EPDR1: variants seen among roughly 807,000 people sequenced by gnomAD.
EPDR1 encodes ependymin related 1, also known as mammalian ependymin-related protein 1.
In EPDR1, 27 loss-of-function variants were observed where a neutral mutation model predicts 23.7. The ratio of observed to expected loss-of-function variants is 1.14; its 90% CI spans 0.84 to 1.57. The LOEUF (loss-of-function observed/expected upper bound fraction) is 1.57. Among genes scored for constraint, EPDR1 ranks in the 40% most tolerant of loss-of-function variants. The pLI is 0.00. For missense variants in EPDR1, 349 were observed against 290.4 expected (o/e 1.20, Z -1.47); for synonymous variants, 137 against 118.2 (o/e 1.16, Z -1.03).
intron 1 of EPDR1, among the ~76,000 whole-genome samples, chr7:37,932,659 T>A (rs1283589482): frequency 1.3e-5 from 2 of 152,200 alleles, no homozygotes; most frequent in African/African-American, 2.4e-5. Flanking sequence ...CCCTGCACTG[T>A]CCTTCCCATC....
chr7:37,937,753 T>C (rs1186535319), intron 1 of EPDR1, among the ~76,000 whole-genome samples: 1 of 152,136 alleles, frequency 6.6e-6, no homozygotes, highest in Non-Finnish European at 1.5e-5. Flanking sequence ...CTTAAATCTA[T>C]GCAATCTATT....
intron 1 of EPDR1, among the ~76,000 whole-genome samples, chr7:37,928,071 A>C (rs982826521): frequency 6.6e-6 from 1 of 152,224 alleles, no homozygotes; most frequent in African/African-American, 2.4e-5. Flanking sequence ...AGAAGCAGGC[A>C]CTGGGGAAAA....
intron 1 of EPDR1, among the ~76,000 whole-genome samples, chr7:37,922,083 C>G (rs956416814): frequency 6.6e-6 from 1 of 152,142 alleles, no homozygotes; most frequent in Admixed American, 6.5e-5. Context: ...TGTCTCCCTT[C>G]CAGAGCCCTG....
chr7:37,935,260 T>TA (rs1029518436), intron 1 of EPDR1, among the ~76,000 whole-genome samples: 1 of 152,186 alleles, frequency 6.6e-6, no homozygotes, highest in African/African-American at 2.4e-5. Context: ...CTGGGTCTTT[T>TA]AGTAAGGGAT....
Position 37,945,507 on chromosome 7 carries a change from C to T in EPDR1, c.270-3333C>T, listed in dbSNP as rs186825038. ...CGGCTACTAATAATACAATGATGTG[C>T]TTCATAATGACGTTTCAGTCAATGA... On this transcript the variant is annotated intron_variant, in intron 1 of 2. Transcript: ENST00000199448. 1.6e-3 allele frequency among the ~76,000 whole-genome samples: 241 copies of T among 152,246 alleles called. 2 individuals are homozygous for T. The highest frequency in any genetic ancestry group is 5.7e-3 in the African/African-American group (237 of 41,530).
chr7:37,939,889 TA>T (rs1322388775), intron 1 of EPDR1, among the ~76,000 whole-genome samples: 1 of 152,220 alleles, frequency 6.6e-6, no homozygotes, highest in African/African-American at 2.4e-5. Context: ...AGAAATCTGG[TA>T]ATATTTAACA....
chr7:37,938,982 A>ATTT (rs35030069), intron 1 of EPDR1, among the ~76,000 whole-genome samples: 183 of 144,516 alleles, frequency 1.3e-3, no homozygotes, highest in Non-Finnish European at 2.0e-3. Flanking sequence ...GGCATGACCA[A>ATTT]TTTTTTTTTT....
intron 1 of EPDR1, among the ~76,000 whole-genome samples, chr7:37,937,310 T>A (rs1786074927): frequency 6.6e-6 from 1 of 152,188 alleles, no homozygotes; most frequent in South Asian, 2.1e-4. Context: ...ACATGATGCA[T>A]TCCTTTATAA....
In EPDR1 at chr7:37,920,969, C is replaced by G. The variant is rs757322110; in HGVS notation, c.30C>G (p.Val10=). Residue 10 remains valine, a synonymous_variant, in exon 1 of 3, where the codon GTC becomes GTG. Coordinates refer to ENST00000199448, the MANE Select transcript of EPDR1 (RefSeq NM_017549.5). The part of the protein sequence containing the change: MPGRAPLRT[V]PGALGAWLLG... ...CAGGACGCGCTCCCCTCCGCACCGTCCCGGGCGCCCTGGGTGCCTGGCTGC... is the reference window on the plus strand; with the variant it reads ...CAGGACGCGCTCCCCTCCGCACCGTGCCGGGCGCCCTGGGTGCCTGGCTGC... 3.8e-6 allele frequency: 6 copies of G among 1,568,994 alleles called. No homozygotes were observed. Among genetic ancestry groups the G allele is most frequent in the Non-Finnish European group, 4.3e-6 (5 of 1,160,252 alleles).
chr7:37,944,860 C>T (rs1486122622), intron 1 of EPDR1, among the ~76,000 whole-genome samples: 1 of 152,196 alleles, frequency 6.6e-6, no homozygotes, highest in Non-Finnish European at 1.5e-5. Flanking sequence ...AGGAAACCCC[C>T]TCTCCTGCAC....
intron 1 of EPDR1, among the ~76,000 whole-genome samples, chr7:37,933,742 G>T (rs1486328536): frequency 6.6e-6 from 1 of 152,152 alleles, no homozygotes; most frequent in African/African-American, 2.4e-5. Flanking sequence ...GAGAGGGAAG[G>T]CTCTCATAGA....
chr7:37,948,451 C>T (rs971195557), intron 1 of EPDR1, among the ~76,000 whole-genome samples: 2 of 151,694 alleles, frequency 1.3e-5, no homozygotes, highest in African/African-American at 4.8e-5. Flanking sequence ...TCAAGTGATC[C>T]TCTTACTTCA....
chr7:37,925,304 G>C (rs1425165162), intron 1 of EPDR1, among the ~76,000 whole-genome samples: 2 of 152,198 alleles, frequency 1.3e-5, no homozygotes, highest in Admixed American at 1.3e-4. Flanking sequence ...ATGGTGGCTT[G>C]GGTGTTGGAA....
chr7:37,937,985 ATTTTTTTT>A (rs35752051), intron 1 of EPDR1, among the ~76,000 whole-genome samples: 2 of 72,424 alleles, frequency 2.8e-5, no homozygotes, highest in East Asian at 8.8e-4. Context: ...TGCCCTTTAA[ATTTTTTTT>A]TTTTTTTTTT....
At chr7:37,928,500 T>G (rs879649529) in intron 1 of EPDR1, among the ~76,000 whole-genome samples, 3 of 152,192 alleles carry the variant, frequency 2.0e-5, no homozygotes, top group Non-Finnish European at 4.4e-5. Flanking sequence ...ACTCCCATGC[T>G]CTCTTGAACA....
chr7:37,933,797 T>C (rs1785991111), intron 1 of EPDR1, among the ~76,000 whole-genome samples: 1 of 152,060 alleles, frequency 6.6e-6, no homozygotes, highest in South Asian at 2.1e-4. Context: ...AAGGAGTGGT[T>C]TTTATTCATT....
rs554722707 is a variant in EPDR1, at chr7:37,941,226, T to A, written c.270-7614T>A. 3.9e-5 allele frequency among the ~76,000 whole-genome samples: 6 copies of A among 152,362 alleles called. No individual in the cohort carries two copies. In the East Asian group the frequency reaches 1.2e-3, roughly 29 times the overall value. On this transcript the variant is annotated intron_variant, in intron 1 of 2. Coordinates refer to ENST00000199448, the MANE Select transcript of EPDR1 (RefSeq NM_017549.5). ...ATTTACTATACCATTGGTACTATGA[T>A]CCTAACTCCCAGTGAAATAATTGAT...
intron 1 of EPDR1, among the ~76,000 whole-genome samples, chr7:37,927,919 G>A (rs574685428): frequency 8.3e-4 from 126 of 152,244 alleles, no homozygotes; most frequent in Middle Eastern, 3.4e-3. Flanking sequence ...ATACTGATTT[G>A]CAATACTTGA....
At position 37,920,926 on chromosome 7, in the gene EPDR1, G is replaced by A. The variant is rs999886657; in HGVS notation, c.-14G>A. 4 of 1,609,736 alleles carry A rather than the reference G, an allele frequency of 2.5e-6. No homozygotes were observed. In the African/African-American group the frequency reaches 4.0e-5, roughly 16 times the overall value. On this transcript the variant is annotated 5_prime_UTR_variant, in exon 1 of 3. Coordinates refer to ENST00000199448, the MANE Select transcript of EPDR1 (RefSeq NM_017549.5). ...GGCTTGGGCTTGCCCTCGGGCCGGG[G>A]AAGGCTGACCGCGATGCCAGGACGC...
Sources: gnomAD v4.1 joint callset for allele counts (sites outside exome capture counted in the v4.1 genomes callset) on GRCh38, gnomAD v4.1.1 for gene constraint, MANE v1.5 for transcripts, NCBI Gene and HGNC (gene_info 2026-07-23, HGNC 2026-07-21) for gene names.